TENM3: variants seen among roughly 807,000 people sequenced by gnomAD.
The protein encoded by TENM3 is teneurin-3.
In TENM3, 63 loss-of-function variants were observed where a neutral mutation model predicts 255.1. The observed-to-expected ratio is 0.25, with a 90% CI of 0.20 to 0.30. The LOEUF (loss-of-function observed/expected upper bound fraction) is 0.30. Ranked by LOEUF, TENM3 falls within the 10% of genes least tolerant of loss-of-function variation. The pLI, the probability that TENM3 is intolerant of heterozygous loss-of-function variation, is 1.00. For synonymous variants in TENM3, 1,306 were observed against 1,322.3 expected (o/e 0.99, Z 0.27); for missense variants, 2,929 against 3,461.1 (o/e 0.85, Z 3.86).
At chr4:181,509,019 G>A in the TENM3 span, among the ~76,000 whole-genome samples, 1 of 147,424 alleles carries the variant, frequency 6.8e-6, no homozygotes, top group Non-Finnish European at 1.5e-5. Flanking sequence ...CCTTTCTTTG[G>A]GTAGGAATTC....
At chr4:182,576,303 A>G (rs983774062) in intron 3 of TENM3, among the ~76,000 whole-genome samples, 1 of 152,204 alleles carries the variant, frequency 6.6e-6, no homozygotes, top group Non-Finnish European at 1.5e-5. Context: ...TGAGAGACAC[A>G]CATGCGGTAG....
At chr4:181,564,266 T>C in the TENM3 span, among the ~76,000 whole-genome samples, 1 of 152,142 alleles carries the variant, frequency 6.6e-6, no homozygotes, top group African/African-American at 2.4e-5. Flanking sequence ...TATTTTAGGA[T>C]AGGACTGAGT....
At chr4:181,845,189 T>A in the TENM3 span, among the ~76,000 whole-genome samples, 1 of 152,196 alleles carries the variant, frequency 6.6e-6, no homozygotes, top group South Asian at 2.1e-4. Context: ...TTTCAAAACT[T>A]GAGACTATGT....
At chr4:182,662,402 CG>C (rs1754301276) in intron 6 of TENM3, among the ~76,000 whole-genome samples, 1 of 152,008 alleles carries the variant, frequency 6.6e-6, no homozygotes, top group Non-Finnish European at 1.5e-5. Flanking sequence ...TGTTTGAAGA[CG>C]TGGTACGTTT....
At chr4:182,097,206 T>G in the TENM3 span, among the ~76,000 whole-genome samples, 2 of 152,144 alleles carry the variant, frequency 1.3e-5, no homozygotes, top group African/African-American at 4.8e-5. Flanking sequence ...TGTCTCTGTT[T>G]TTCTTTACAA....
intron 1 of TENM3, among the ~76,000 whole-genome samples, chr4:182,237,155 T>G (rs547559776): frequency 6.6e-6 from 1 of 152,264 alleles, no homozygotes; most frequent in African/African-American, 2.4e-5. Context: ...TCCAGCTCCA[T>G]CCATGTTCCT....
chr4:181,631,842 G>GCGTTGCCTACCACAAGTT, the TENM3 span, among the ~76,000 whole-genome samples: 2 of 152,164 alleles, frequency 1.3e-5, no homozygotes, highest in Non-Finnish European at 1.5e-5. Context: ...TACCACAAGT[G>GCGTTGCCTACCACAAGTT]CATTGCCAAA....
intron 12 of TENM3, among the ~76,000 whole-genome samples, chr4:182,691,413 C>T (rs146320412): frequency 2.6e-5 from 4 of 152,306 alleles, no homozygotes; most frequent in African/African-American, 9.6e-5. Context: ...AAAATTCCCA[C>T]TAGAAAGCAA....
At chr4:182,150,973 A>G (rs1045204395) in intron 1 of TENM3, among the ~76,000 whole-genome samples, 1 of 152,072 alleles carries the variant, frequency 6.6e-6, no homozygotes, top group Non-Finnish European at 1.5e-5. Context: ...TTTTATTAGA[A>G]TGAATTATTT....
chr4:181,877,641 C>A, the TENM3 span, among the ~76,000 whole-genome samples: 5 of 152,094 alleles, frequency 3.3e-5, no homozygotes, highest in African/African-American at 9.7e-5. Context: ...TCTTTCTAGC[C>A]CTTTAACCAC....
intron 2 of TENM3, among the ~76,000 whole-genome samples, chr4:182,335,547 C>T (rs1764079506): frequency 1.4e-5 from 2 of 145,438 alleles, no homozygotes; most frequent in African/African-American, 2.5e-5. Context: ...TTTTGCTTTC[C>T]AGTCCTTATA....
chr4:181,514,823 C>A, the TENM3 span, among the ~76,000 whole-genome samples: 6 of 152,258 alleles, frequency 3.9e-5, no homozygotes, highest in Admixed American at 3.9e-4. Context: ...GGTAGCCACT[C>A]GGGAGGGCTG....
chr4:182,486,532 C>T (rs1734739887), intron 3 of TENM3, among the ~76,000 whole-genome samples: 1 of 152,114 alleles, frequency 6.6e-6, no homozygotes, highest in South Asian at 2.1e-4. Flanking sequence ...CAATGCTGTT[C>T]TCATATAATG....
chr4:181,523,417 A>AT, the TENM3 span, among the ~76,000 whole-genome samples: 103 of 129,102 alleles, frequency 8.0e-4, no homozygotes, highest in African/African-American at 2.4e-3. Flanking sequence ...ACATTTTAAA[A>AT]TTAAAAAAAA....
intron 3 of TENM3, among the ~76,000 whole-genome samples, chr4:182,589,224 C>A (rs974777239): frequency 6.6e-6 from 1 of 151,878 alleles, no homozygotes; most frequent in African/African-American, 2.4e-5. Context: ...TTGAAGTACT[C>A]GTATATATGT....
chr4:181,624,047 G>T, the TENM3 span, among the ~76,000 whole-genome samples: 1 of 152,212 alleles, frequency 6.6e-6, no homozygotes, highest in South Asian at 2.1e-4. Flanking sequence ...GAGCAAATTT[G>T]TTGGGTGTGG....
the TENM3 span, among the ~76,000 whole-genome samples, chr4:181,699,432 G>GA: frequency 1.2e-5 from 1 of 83,704 alleles, no homozygotes; most frequent in Admixed American, 2.1e-4. Context: ...TACAGAGCCA[G>GA]ACCCTGTCGC....
the TENM3 span, among the ~76,000 whole-genome samples, chr4:181,622,442 G>T: frequency 3.3e-5 from 5 of 152,172 alleles, no homozygotes; most frequent in Non-Finnish European, 7.4e-5. Context: ...TTGGGAGGCT[G>T]AGGCAGGTGA....
the TENM3 span, among the ~76,000 whole-genome samples, chr4:182,100,449 ATATAT>A: frequency 2.5e-5 from 1 of 40,210 alleles, no homozygotes; most frequent in African/African-American, 5.9e-5. Context: ...AAAAAAAAAA[ATATAT>A]ATATATATAT....
Sources: gnomAD v4.1 joint callset for allele counts (sites outside exome capture counted in the v4.1 genomes callset) on GRCh38, gnomAD v4.1.1 for gene constraint, MANE v1.5 for transcripts, NCBI Gene and HGNC (gene_info 2026-07-23, HGNC 2026-07-21) for gene names.